Variants in FBP1 observed in about 807,000 individuals in gnomAD.
The protein encoded by FBP1 is fructose-bisphosphatase 1.
In FBP1, 22 loss-of-function variants were observed where a neutral mutation model predicts 29.9. That is an observed-to-expected ratio of 0.74 (90% CI 0.53 to 1.05). FBP1 has a LOEUF of 1.05. Ranked by LOEUF, FBP1 falls within the 50% of genes least tolerant of loss-of-function variation. The pLI is 0.00. For missense variants in FBP1, 345 were observed against 448.2 expected (o/e 0.77, Z 2.08); for synonymous variants, 175 against 178.6 (o/e 0.98, Z 0.16).
intron 1 of FBP1, among the ~76,000 whole-genome samples, chr9:94,627,426 G>A (rs1828042213): frequency 6.6e-6 from 1 of 152,190 alleles, no homozygotes; most frequent in East Asian, 1.9e-4. Flanking sequence ...TGGCCCTGAA[G>A]GATAGATTAA....
chr9:94,639,049 G>A lies in FBP1; in HGVS notation c.170+92C>T, dbSNP rs1483957307. 6.4e-6 allele frequency: 8 copies of A among 1,245,942 alleles called. No homozygotes were observed. In the Admixed American group the frequency reaches 1.6e-4, roughly 25 times the overall value. The allele number at this position is 1,245,942 out of a possible 1,614,324, so 77.2% of individuals were successfully genotyped here. The stretch of plus-strand genomic sequence containing the variant: ...TCAGACGGACAGACAGAGGCTGACG[G>A]CAGGAGGCTCAGAGGGCCCAACGTC... On this transcript the variant is annotated intron_variant, in intron 1 of 6. Coordinates refer to ENST00000375326, the MANE Select transcript of FBP1 (RefSeq NM_000507.4).
At chr9:94,604,146 C>T (rs1336369511) in intron 6 of FBP1, among the ~76,000 whole-genome samples, 1 of 152,126 alleles carries the variant, frequency 6.6e-6, no homozygotes, top group African/African-American at 2.4e-5. Context: ...TTATTGTATG[C>T]CTTTTCATGC....
chr9:94,621,167 T>TCGTG (rs1468987214), intron 1 of FBP1, among the ~76,000 whole-genome samples: 1 of 130,778 alleles, frequency 7.6e-6, no homozygotes, highest in Non-Finnish European at 1.5e-5. Flanking sequence ...TGAGCCGAGA[T>TCGTG]CGTGCCACTG....
intron 3 of FBP1, among the ~76,000 whole-genome samples, chr9:94,615,476 A>G (rs1827849295): frequency 6.6e-6 from 1 of 152,196 alleles, no homozygotes; most frequent in Non-Finnish European, 1.5e-5. Context: ...CTTCCTCTGC[A>G]AGGAAGAATT....
chr9:94,617,163 G>C (rs1389066864), intron 3 of FBP1, among the ~76,000 whole-genome samples: 1 of 152,190 alleles, frequency 6.6e-6, no homozygotes, highest in Non-Finnish European at 1.5e-5. Context: ...CAGTGCAGCA[G>C]AGAATCAGCC....
intron 3 of FBP1, among the ~76,000 whole-genome samples, chr9:94,614,017 C>T (rs1424024720): frequency 6.8e-6 from 1 of 146,138 alleles, no homozygotes; most frequent in African/African-American, 2.5e-5. Context: ...GGAGGCAGGG[C>T]TTGCAGTGAG....
chr9:94,631,521 G>A (rs12343537), intron 1 of FBP1, among the ~76,000 whole-genome samples: 11,212 of 152,262 alleles, frequency 0.074, 443 homozygotes, highest in African/African-American at 0.099. Flanking sequence ...TGTGATGATT[G>A]GGGGAGGCTG....
chr9:94,638,914 C>T (rs926766065), intron 1 of FBP1, among the ~76,000 whole-genome samples: 13 of 152,184 alleles, frequency 8.5e-5, no homozygotes, highest in African/African-American at 3.1e-4. Flanking sequence ...GAGACGGACC[C>T]CCAGGTGGGC....
At chr9:94,604,800 T>C (rs144133108) in intron 6 of FBP1, among the ~76,000 whole-genome samples, 2 of 152,146 alleles carry the variant, frequency 1.3e-5, no homozygotes, top group East Asian at 3.9e-4. Context: ...ATCTGTCCAC[T>C]GGGAAAACAT....
chr9:94,613,938 A>G (rs1827824408), intron 3 of FBP1, among the ~76,000 whole-genome samples: 2 of 148,360 alleles, frequency 1.3e-5, no homozygotes, highest in Admixed American at 6.7e-5. Context: ...AAAATTAGCC[A>G]AGCGTGGTGG....
intron 3 of FBP1, among the ~76,000 whole-genome samples, chr9:94,616,857 T>C (rs1463746941): frequency 6.6e-6 from 1 of 152,110 alleles, no homozygotes; most frequent in Non-Finnish European, 1.5e-5. Context: ...ATTCGTATAA[T>C]TGAGCACCTC....
At chr9:94,611,607 T>A (rs1827787654) in intron 3 of FBP1, among the ~76,000 whole-genome samples, 1 of 152,082 alleles carries the variant, frequency 6.6e-6, no homozygotes, top group Non-Finnish European at 1.5e-5. Context: ...AATTTTTTTT[T>A]AATTAGCCAG....
At chr9:94,624,471 G>A (rs1827995151) in intron 1 of FBP1, among the ~76,000 whole-genome samples, 1 of 152,082 alleles carries the variant, frequency 6.6e-6, no homozygotes, top group African/African-American at 2.4e-5. Flanking sequence ...TGACCAATAT[G>A]GTGAAGTCCT....
chr9:94,604,122 A>G (rs1370017277), intron 6 of FBP1: 1 of 164,702 alleles, frequency 6.1e-6, no homozygotes, highest in Non-Finnish European at 1.3e-5. Context: ...ATTCACCTTT[A>G]AATATTAACT....
chr9:94,619,238 T>A (rs1827906320), intron 2 of FBP1, among the ~76,000 whole-genome samples: 1 of 152,164 alleles, frequency 6.6e-6, no homozygotes. Flanking sequence ...GTACGGCTAT[T>A]TTAGGAATGA....
chr9:94,610,071 G>C lies in FBP1; in HGVS notation c.427-10C>G. 6.2e-7 allele frequency: 1 copy of C among 1,613,564 alleles called. No homozygotes were observed. The highest frequency in any genetic ancestry group is 8.5e-7 in the Non-Finnish European group (1 of 1,179,584). ...GCTCATCAGTTGATTTCTAGAGCAA[G>C]AAAGAAATCAAAGAATGTTTTTGTT... is the stretch of plus-strand genomic sequence containing the variant. On this transcript the variant is annotated splice_polypyrimidine_tract_variant and intron_variant, in intron 3 of 6. Coordinates refer to ENST00000375326, the MANE Select transcript of FBP1 (RefSeq NM_000507.4).
intron 3 of FBP1, among the ~76,000 whole-genome samples, chr9:94,613,849 G>A (rs529724172): frequency 3.4e-3 from 520 of 151,658 alleles, no homozygotes; most frequent in African/African-American, 0.012. Context: ...AGGCCGAGGC[G>A]GGCGGATCAC....
At chr9:94,631,669 G>A (rs1828106029) in intron 1 of FBP1, among the ~76,000 whole-genome samples, 2 of 152,164 alleles carry the variant, frequency 1.3e-5, no homozygotes, top group South Asian at 2.1e-4. Context: ...TGAGTAACAC[G>A]ATTGCAGCAG....
chr9:94,623,628 C>T (rs1000084482), intron 1 of FBP1, among the ~76,000 whole-genome samples: 6 of 152,224 alleles, frequency 3.9e-5, no homozygotes, highest in Non-Finnish European at 7.3e-5. Flanking sequence ...TACCTTTTGG[C>T]CCAAGTCCCA....
Sources: allele counts gnomAD v4.1 joint callset (sites outside exome capture counted in the v4.1 genomes callset), GRCh38; gene constraint gnomAD v4.1.1; transcripts MANE v1.5; gene names NCBI Gene and HGNC (gene_info 2026-07-23, HGNC 2026-07-21).